NUBPL: variants seen among roughly 807,000 people sequenced by gnomAD.
NUBPL encodes NUBP iron-sulfur cluster assembly factor, mitochondrial.
Under a neutral mutation model 45.7 loss-of-function variants are expected in NUBPL, and 31 were observed. The ratio of observed to expected loss-of-function variants is 0.68; its 90% CI spans 0.51 to 0.92. The LOEUF (loss-of-function observed/expected upper bound fraction) is 0.92, where lower values mean the gene tolerates loss of function less well. Among genes scored for constraint, NUBPL ranks in the 40% least tolerant of loss-of-function variants. The pLI, the probability that NUBPL is intolerant of heterozygous loss-of-function variation, is 0.00. For synonymous variants in NUBPL, 144 were observed against 140.9 expected (o/e 1.02, Z -0.15); for missense variants, 401 against 398.7 (o/e 1.01, Z -0.05).
At position 31,859,525 on chromosome 14, in the gene NUBPL, T is replaced by C. The variant is rs1566603094; in HGVS notation, c.*345T>C. On this transcript the variant is annotated 3_prime_UTR_variant, in exon 11 of 11. Coordinates refer to ENST00000281081, the MANE Select transcript of NUBPL (RefSeq NM_025152.3). ...TTTGCAGGACCACAGAATTAGTAAT[T>C]TAAATGATATACTAAATTTGTGTAT... 2.8e-6 allele frequency: 1 copy of C among 351,952 alleles called. No homozygotes were observed. The highest frequency in any genetic ancestry group is 5.5e-6 in the Non-Finnish European group (1 of 182,836). The allele number at this position is 351,952 out of a possible 1,614,324, so 21.8% of individuals were successfully genotyped here.
intron 2 of NUBPL, among the ~76,000 whole-genome samples, chr14:31,563,127 A>G (rs908891676): frequency 1.3e-5 from 2 of 152,118 alleles, no homozygotes; most frequent in Non-Finnish European, 2.9e-5. Flanking sequence ...AAGGTTTACA[A>G]TCCATCTGGT....
intron 6 of NUBPL, among the ~76,000 whole-genome samples, chr14:31,769,461 T>C (rs559836434): frequency 6.6e-6 from 1 of 152,320 alleles, no homozygotes; most frequent in African/African-American, 2.4e-5. Flanking sequence ...TATAACTCAT[T>C]CTTACATACA....
intron 4 of NUBPL, among the ~76,000 whole-genome samples, chr14:31,613,352 G>A (rs1019853735): frequency 1.3e-5 from 2 of 152,090 alleles, no homozygotes; most frequent in African/African-American, 4.8e-5. Flanking sequence ...ACAAAAAGAT[G>A]GTTAGGAAGA....
chr14:31,793,566 TCTCAGGGTGCCAAA>T (rs1005508351), intron 7 of NUBPL, among the ~76,000 whole-genome samples: 13 of 152,326 alleles, frequency 8.5e-5, no homozygotes, highest in African/African-American at 3.1e-4. Flanking sequence ...TCTTTGCATT[TCTCAGGGTGCCAAA>T]CTCAGTGCCT....
chr14:31,633,411 T>G (rs1170464314), intron 4 of NUBPL, among the ~76,000 whole-genome samples: 1 of 152,202 alleles, frequency 6.6e-6, no homozygotes, highest in Non-Finnish European at 1.5e-5. Flanking sequence ...TAGTCGTAGT[T>G]TTATAACATT....
intron 6 of NUBPL, among the ~76,000 whole-genome samples, chr14:31,764,362 C>T (rs1349298210): frequency 6.6e-6 from 1 of 152,138 alleles, no homozygotes; most frequent in Non-Finnish European, 1.5e-5. Flanking sequence ...TTATTGTATT[C>T]CTATCTCCAC....
chr14:31,803,930 C>T (rs1177570562), intron 7 of NUBPL, among the ~76,000 whole-genome samples: 1 of 152,068 alleles, frequency 6.6e-6, no homozygotes, highest in East Asian at 1.9e-4. Context: ...TCCTTCCTTT[C>T]GTTTCTTTCT....
intron 3 of NUBPL, among the ~76,000 whole-genome samples, chr14:31,597,498 A>C (rs2034315421): frequency 6.6e-6 from 1 of 152,180 alleles, no homozygotes; most frequent in African/African-American, 2.4e-5. Context: ...TTGAAAATCT[A>C]GTGATGATAA....
chr14:31,707,531 G>A (rs2037481348), intron 6 of NUBPL, among the ~76,000 whole-genome samples: 1 of 152,044 alleles, frequency 6.6e-6, no homozygotes, highest in Non-Finnish European at 1.5e-5. Flanking sequence ...TTAGAGTATA[G>A]AGGGGCCTGG....
intron 6 of NUBPL, among the ~76,000 whole-genome samples, chr14:31,713,853 A>C (rs1030983323): frequency 4.6e-5 from 7 of 152,226 alleles, no homozygotes; most frequent in Admixed American, 4.6e-4. Context: ...TATATGGTGC[A>C]AACTTTCTCA....
chr14:31,857,315 C>T (rs1367629675), intron 10 of NUBPL, among the ~76,000 whole-genome samples: 1 of 152,136 alleles, frequency 6.6e-6, no homozygotes, highest in Non-Finnish European at 1.5e-5. Context: ...GGACTCTGGG[C>T]CCAGCCCAGA....
intron 6 of NUBPL, among the ~76,000 whole-genome samples, chr14:31,692,128 G>A (rs2037108328): frequency 6.6e-6 from 1 of 151,936 alleles, no homozygotes. Flanking sequence ...AGTATGTGTT[G>A]CTTTTTATTC....
In NUBPL at chr14:31,718,119, G is replaced by A. The variant is rs192904992; in HGVS notation, c.513+44545G>A. Among the ~76,000 whole-genome samples, 46 of 152,068 alleles carry A rather than the reference G, an allele frequency of 3.0e-4. 1 individual carries two copies. The highest frequency in any genetic ancestry group is 1.0e-3 in the African/African-American group (42 of 41,474). On this transcript the variant is annotated intron_variant, in intron 6 of 10. Coordinates refer to ENST00000281081, the MANE Select transcript of NUBPL (RefSeq NM_025152.3). ...TATATTCTCTTTTTTTATCTTTCAC[G>A]GAAAACATATTTTAAGAACTATAAT... is the stretch of plus-strand genomic sequence containing the variant.
chr14:31,716,335 C>T (rs770856786), intron 6 of NUBPL, among the ~76,000 whole-genome samples: 16 of 152,176 alleles, frequency 1.1e-4, no homozygotes, highest in African/African-American at 1.2e-4. Flanking sequence ...ATCATCATCA[C>T]CATCACCCAG....
At chr14:31,609,550 T>G (rs1270378623) in intron 4 of NUBPL, among the ~76,000 whole-genome samples, 1 of 152,150 alleles carries the variant, frequency 6.6e-6, no homozygotes, top group African/African-American at 2.4e-5. Context: ...AACATCAGAC[T>G]TTATCTGTAT....
chr14:31,820,957 C>T (rs904048912), intron 7 of NUBPL, among the ~76,000 whole-genome samples: 1 of 150,184 alleles, frequency 6.7e-6, no homozygotes, highest in African/African-American at 2.5e-5. Context: ...CCCATCTCTA[C>T]TAAATAAATA....
chr14:31,767,210 G>T (rs4981907), intron 6 of NUBPL, among the ~76,000 whole-genome samples: 151,896 of 152,262 alleles, frequency 1, 75,768 homozygotes, highest in Middle Eastern at 1. Flanking sequence ...TTTATTTTAT[G>T]TATTTTTTGA....
At chr14:31,761,085 T>C (rs189546219) in intron 6 of NUBPL, among the ~76,000 whole-genome samples, 136 of 152,316 alleles carry the variant, frequency 8.9e-4, no homozygotes, top group African/African-American at 3.2e-3. Flanking sequence ...TGTAAGTAGT[T>C]TTAAAAGAGG....
At chr14:31,799,794 C>T (rs1334490361) in intron 7 of NUBPL, among the ~76,000 whole-genome samples, 5 of 152,136 alleles carry the variant, frequency 3.3e-5, no homozygotes, top group Non-Finnish European at 4.4e-5. Context: ...CAGTTGCTGA[C>T]GGTTGGAGTG....
Sources: gnomAD v4.1 joint callset for allele counts (sites outside exome capture counted in the v4.1 genomes callset) on GRCh38, gnomAD v4.1.1 for gene constraint, MANE v1.5 for transcripts, NCBI Gene and HGNC (gene_info 2026-07-23, HGNC 2026-07-21) for gene names.